The following NEK1 variants were observed in gnomAD, a reference collection of about 807,000 sequenced individuals.
The protein encoded by NEK1 is NIMA related kinase 1, also known as serine/threonine-protein kinase Nek1.
Under a neutral mutation model 182.1 loss-of-function variants are expected in NEK1, and 137 were observed. The ratio of observed to expected loss-of-function variants is 0.75; its 90% CI spans 0.65 to 0.87. NEK1 has a LOEUF of 0.87. Ranked by LOEUF, NEK1 falls within the 40% of genes least tolerant of loss-of-function variation. NEK1 has a pLI of 0.00. For synonymous variants in NEK1, 513 were observed against 492.2 expected (o/e 1.04, Z -0.56); for missense variants, 1,391 against 1,494.4 (o/e 0.93, Z 1.14).
intron 19 of NEK1, among the ~76,000 whole-genome samples, chr4:169,529,117 A>G (rs1057118903): frequency 1.3e-5 from 2 of 152,222 alleles, no homozygotes; most frequent in East Asian, 1.9e-4. Context: ...ATATGGCTAC[A>G]GCAACGCTTA....
intron 29 of NEK1, among the ~76,000 whole-genome samples, chr4:169,429,503 T>C (rs1163201245): frequency 3.3e-5 from 5 of 152,208 alleles, no homozygotes; most frequent in Admixed American, 3.3e-4. Context: ...ATCCCTCACA[T>C]ACATTTGATA....
Position 169,394,536 on chromosome 4 carries a change from G to GA in NEK1, c.3848-14dup, listed in dbSNP as rs1171520560. 4.4e-6 allele frequency: 6 copies of GA among 1,374,218 alleles called. No homozygotes were observed. Among genetic ancestry groups the GA allele is most frequent in the South Asian group, 2.7e-5 (2 of 73,490 alleles). 85.1% of individuals were successfully genotyped at this position (1,374,218 alleles called of 1,614,324 possible). A position where few individuals can be genotyped will look rare whatever the true frequency, so the allele number is the denominator to read the frequency against. On this transcript the variant is annotated splice_polypyrimidine_tract_variant and intron_variant, in intron 35 of 35. Coordinates refer to ENST00000507142, the MANE Select transcript of NEK1 (RefSeq NM_001199397.3). ...TATTCATCATTATCTGTAGAAAAAA[G>GA]AAAAAAATTGACTTCATTTCAAATC...
chr4:169,450,451 G>C (rs913921297), intron 27 of NEK1, among the ~76,000 whole-genome samples: 10 of 152,182 alleles, frequency 6.6e-5, no homozygotes, highest in Admixed American at 1.3e-4. Context: ...TACCCACAAA[G>C]GGAAGCCCAT....
At chr4:169,595,383 T>C (rs1287623580) in intron 5 of NEK1, among the ~76,000 whole-genome samples, 1 of 152,228 alleles carries the variant, frequency 6.6e-6, no homozygotes, top group Non-Finnish European at 1.5e-5. Flanking sequence ...ATTTAGATTA[T>C]GTTTTTATAA....
At chr4:169,449,814 G>A (rs578214842) in intron 27 of NEK1, among the ~76,000 whole-genome samples, 4 of 152,328 alleles carry the variant, frequency 2.6e-5, no homozygotes, top group Admixed American at 2.6e-4. Context: ...AACAAAGCTG[G>A]ACAGAGAATG....
chr4:169,426,241 C>A lies in NEK1; in HGVS notation c.2886-7G>T. On this transcript the variant is annotated splice_region_variant and splice_polypyrimidine_tract_variant and intron_variant, in intron 29 of 35. Coordinates refer to ENST00000507142, the MANE Select transcript of NEK1 (RefSeq NM_001199397.3). ...GGTGATCCTATCTGCCGACCTGCCA[C>A]AGATGGGTACACCAATTAAAAACAC... 2 of 1,610,336 alleles carry A rather than the reference C, an allele frequency of 1.2e-6. No homozygotes were observed. The highest frequency in any genetic ancestry group is 1.7e-6 in the Non-Finnish European group (2 of 1,177,580).
chr4:169,509,508 T>C (rs1753850854), intron 19 of NEK1, among the ~76,000 whole-genome samples: 1 of 152,096 alleles, frequency 6.6e-6, no homozygotes. Flanking sequence ...TTATTGAATG[T>C]GTATTTTTTT....
intron 26 of NEK1, among the ~76,000 whole-genome samples, chr4:169,465,882 T>C (rs1043100872): frequency 2.6e-5 from 4 of 151,986 alleles, no homozygotes; most frequent in Non-Finnish European, 2.9e-5. Context: ...AGAATAAAGG[T>C]CAAGAATATT....
intron 27 of NEK1, 42 bp from the exon 28 acceptor site, chr4:169,438,301 T>C (rs1561187616): frequency 9.6e-6 from 14 of 1,460,600 alleles, no homozygotes; most frequent in Middle Eastern, 2.3e-4. Context: ...GTTCTCAAAA[T>C]GATGCATTTT....
intron 7 of NEK1, 91 bp from the exon 8 acceptor site, chr4:169,588,826 G>C: frequency 1.3e-6 from 1 of 771,310 alleles, no homozygotes; most frequent in Non-Finnish European, 2.2e-6. Context: ...TCGCATATAT[G>C]ATGCTGGTCC....
chr4:169,507,823 A>G (rs771270257), intron 21 of NEK1, 31 bp from the exon 22 acceptor site: 7 of 1,497,092 alleles, frequency 4.7e-6, no homozygotes, highest in Non-Finnish European at 5.6e-6. Flanking sequence ...CAAATCACTT[A>G]GGATAGAATC....
At chr4:169,581,293 G>T (rs1766613449) in intron 10 of NEK1, among the ~76,000 whole-genome samples, 2 of 151,928 alleles carry the variant, frequency 1.3e-5, no homozygotes, top group African/African-American at 4.8e-5. Context: ...TTTGAGACAG[G>T]GTCTCACTTT....
chr4:169,563,743 G>A (rs1018776368), intron 12 of NEK1, among the ~76,000 whole-genome samples: 1 of 152,152 alleles, frequency 6.6e-6, no homozygotes, highest in Non-Finnish European at 1.5e-5. Context: ...TATACATACT[G>A]TATTAGAACT....
At chr4:169,401,099 G>A (rs1731600168) in intron 33 of NEK1, among the ~76,000 whole-genome samples, 1 of 152,010 alleles carries the variant, frequency 6.6e-6, no homozygotes, top group African/African-American at 2.4e-5. Flanking sequence ...AGTATAAATG[G>A]CCAATATGTT....
intron 24 of NEK1, among the ~76,000 whole-genome samples, chr4:169,478,575 T>C (rs1472621995): frequency 6.6e-6 from 1 of 152,150 alleles, no homozygotes; most frequent in Non-Finnish European, 1.5e-5. Context: ...AACTTATATT[T>C]TCCTACTGAG....
At chr4:169,545,522 T>A (rs1190226417) in intron 18 of NEK1, among the ~76,000 whole-genome samples, 11 of 150,162 alleles carry the variant, frequency 7.3e-5, no homozygotes, top group Middle Eastern at 3.4e-3. Context: ...TGTGTGCATG[T>A]GTCTTTATAG....
chr4:169,527,767 T>C (rs762013147), intron 19 of NEK1, among the ~76,000 whole-genome samples: 15 of 152,042 alleles, frequency 9.9e-5, no homozygotes, highest in African/African-American at 3.6e-4. Flanking sequence ...TCATAGGGTA[T>C]AAACACAAAA....
intron 31 of NEK1, among the ~76,000 whole-genome samples, 188 bp from the exon 32 acceptor site, chr4:169,406,935 G>A (rs185268903): frequency 1.3e-5 from 2 of 151,734 alleles, no homozygotes; most frequent in East Asian, 3.9e-4. Flanking sequence ...AGAGCTAGAG[G>A]ATCCAAAGGT....
intron 31 of NEK1, among the ~76,000 whole-genome samples, chr4:169,408,209 T>C (rs554983038): frequency 1.3e-5 from 2 of 152,298 alleles, no homozygotes; most frequent in East Asian, 3.9e-4. Flanking sequence ...CTGGCCCTGG[T>C]AAAATAAACT....
Sources: allele counts gnomAD v4.1 joint callset (sites outside exome capture counted in the v4.1 genomes callset), GRCh38; gene constraint gnomAD v4.1.1; transcripts MANE v1.5; gene names NCBI Gene and HGNC (gene_info 2026-07-23, HGNC 2026-07-21).